FAT3: variants seen among roughly 807,000 people sequenced by gnomAD.
The protein encoded by FAT3 is FAT atypical cadherin 3, also known as protocadherin Fat 3.
Under a neutral mutation model 310.2 loss-of-function variants are expected in FAT3, and 95 were observed. The observed-to-expected ratio is 0.31, with a 90% CI of 0.26 to 0.36. FAT3 has a LOEUF of 0.36. Ranked by LOEUF, FAT3 falls within the 10% of genes least tolerant of loss-of-function variation. The pLI, the probability that FAT3 is intolerant of heterozygous loss-of-function variation, is 1.00. For synonymous variants in FAT3, 2,314 were observed against 2,192.9 expected (o/e 1.06, Z -1.54); for missense variants, 5,408 against 5,715.6 (o/e 0.95, Z 1.74).
intron 3 of FAT3, among the ~76,000 whole-genome samples, chr11:92,555,499 C>G (rs1032201129): frequency 1.3e-5 from 2 of 152,186 alleles, no homozygotes; most frequent in Non-Finnish European, 2.9e-5. Context: ...TGGGCCAAAT[C>G]TAGTTTTTCT....
intron 3 of FAT3, among the ~76,000 whole-genome samples, chr11:92,568,983 G>A (rs898332989): frequency 2.6e-5 from 4 of 152,062 alleles, no homozygotes; most frequent in Non-Finnish European, 4.4e-5. Context: ...TCATGAAAAC[G>A]AAGGCAATTT....
intron 13 of FAT3, among the ~76,000 whole-genome samples, chr11:92,824,906 G>A (rs963813530): frequency 2.6e-5 from 4 of 151,780 alleles, no homozygotes; most frequent in Non-Finnish European, 5.9e-5. Flanking sequence ...ATTGTACATA[G>A]TATTCTATAT....
intron 3 of FAT3, among the ~76,000 whole-genome samples, chr11:92,696,434 G>A (rs1162287568): frequency 6.6e-6 from 1 of 152,106 alleles, no homozygotes; most frequent in Non-Finnish European, 1.5e-5. Context: ...GAAGCTTGAG[G>A]TCAAGGGCTC....
intron 1 of FAT3, among the ~76,000 whole-genome samples, chr11:92,249,905 T>G (rs964943525): frequency 6.6e-6 from 1 of 152,084 alleles, no homozygotes; most frequent in Non-Finnish European, 1.5e-5. Context: ...ATTGCAGATA[T>G]TATTACCTGA....
intron 1 of FAT3, chr11:92,335,980 G>T (rs1452687605): frequency 4.6e-6 from 2 of 433,562 alleles, no homozygotes; most frequent in Admixed American, 2.7e-5. Context: ...GGTCAGAATG[G>T]CAGGCAAGGG....
At chr11:92,318,488 T>C (rs1455913899) in intron 1 of FAT3, among the ~76,000 whole-genome samples, 1 of 152,186 alleles carries the variant, frequency 6.6e-6, no homozygotes, top group Non-Finnish European at 1.5e-5. Flanking sequence ...GTAAAGTATG[T>C]ATGGTTCTAG....
At chr11:92,829,735 A>T (rs1948192810) in intron 13 of FAT3, among the ~76,000 whole-genome samples, 1 of 152,224 alleles carries the variant, frequency 6.6e-6, no homozygotes, top group Admixed American at 6.5e-5. Flanking sequence ...TCACAGGTTG[A>T]TGTGTATACA....
At chr11:92,572,518 AC>A (rs1371608541) in intron 3 of FAT3, among the ~76,000 whole-genome samples, 3 of 152,208 alleles carry the variant, frequency 2.0e-5, no homozygotes, top group African/African-American at 4.8e-5. Context: ...CCCATGCTTA[AC>A]AAAAACTGTC....
Position 92,368,516 on chromosome 11 carries a change from C to A in FAT3, c.3292+13112C>A, listed in dbSNP as rs927977450. On this transcript the variant is annotated intron_variant, in intron 2 of 27. Transcript: ENST00000525166. ...TTACAGTGCATTTTTAACTTGTATG[C>A]TGCATCATCCAGGAGAGAACTTTCA... Among the ~76,000 whole-genome samples, 7 of 152,104 alleles carry A rather than the reference C, an allele frequency of 4.6e-5. 1 individual carries two copies. Among genetic ancestry groups the A allele is most frequent in the Admixed American group, 2.6e-4 (4 of 15,252 alleles).
chr11:92,297,825 A>C (rs186910212), intron 1 of FAT3, among the ~76,000 whole-genome samples: 36 of 152,264 alleles, frequency 2.4e-4, no homozygotes, highest in Admixed American at 2.2e-3. Flanking sequence ...AGAATGGATA[A>C]GTTTGCCTGT....
chr11:92,832,732 C>T (rs1308907239), intron 14 of FAT3, among the ~76,000 whole-genome samples: 1 of 152,126 alleles, frequency 6.6e-6, no homozygotes, highest in East Asian at 1.9e-4. Flanking sequence ...GTCATATGTG[C>T]ACATGTTGGA....
At position 92,867,185 on chromosome 11, in the gene FAT3, AGCTGCAC is replaced by A; in HGVS notation, c.12104_12110del (p.Ser4035MetfsTer42). 6.3e-7 allele frequency: 1 copy of A among 1,585,580 alleles called. No homozygotes were observed. Among genetic ancestry groups the A allele is most frequent in the Non-Finnish European group, 8.6e-7 (1 of 1,169,316 alleles). On this transcript the variant is annotated frameshift_variant, in exon 22 of 28. Transcript: ENST00000525166. LOFTEE classifies it high-confidence loss of function. ...GCGCAGCCCGTGCCAGCACGGGGGCAGCTGCACTGGCCTGCCATCGGGGGGTGAGTGT... is the reference window on the plus strand; with the variant it reads ...GCGCAGCCCGTGCCAGCACGGGGGCATGGCCTGCCATCGGGGGGTGAGTGT...
chr11:92,334,993 C>T (rs557804630), intron 1 of FAT3, among the ~76,000 whole-genome samples: 10 of 152,160 alleles, frequency 6.6e-5, no homozygotes, highest in Non-Finnish European at 1.5e-4. Context: ...ATGAGCTCTG[C>T]ATATATTACA....
intron 2 of FAT3, among the ~76,000 whole-genome samples, chr11:92,372,969 T>A (rs11019936): frequency 6.6e-6 from 1 of 152,070 alleles, no homozygotes; most frequent in Non-Finnish European, 1.5e-5. Context: ...CAGCAAACGA[T>A]TTTTTAAAAA....
At chr11:92,232,628 G>A (rs796537832) in intron 1 of FAT3, among the ~76,000 whole-genome samples, 1 of 74,748 alleles carries the variant, frequency 1.3e-5, no homozygotes, top group South Asian at 5.7e-4. Context: ...CAGTGATGTC[G>A]TTTTTTTTTT....
intron 3 of FAT3, among the ~76,000 whole-genome samples, chr11:92,686,201 T>A (rs2135873898): frequency 6.6e-6 from 1 of 152,296 alleles, no homozygotes; most frequent in African/African-American, 2.4e-5. Context: ...GAGGAGCACG[T>A]TGTAGCAGCT....
intron 22 of FAT3, among the ~76,000 whole-genome samples, chr11:92,878,070 A>T (rs963203069): frequency 2.6e-5 from 4 of 152,200 alleles, no homozygotes; most frequent in Non-Finnish European, 5.9e-5. Flanking sequence ...ACATACATGT[A>T]TGTGGAGAGA....
chr11:92,793,797 C>T (rs879460132), intron 9 of FAT3, among the ~76,000 whole-genome samples: 1 of 152,098 alleles, frequency 6.6e-6, no homozygotes, highest in African/African-American at 2.4e-5. Context: ...ATGCAATATC[C>T]TTTCATGCCA....
chr11:92,405,156 A>G (rs1950109495), intron 2 of FAT3, among the ~76,000 whole-genome samples: 1 of 151,996 alleles, frequency 6.6e-6, no homozygotes, highest in African/African-American at 2.4e-5. Context: ...GTTCTTCCTC[A>G]TGACCATTTT....
Sources: gnomAD v4.1 joint callset for allele counts (sites outside exome capture counted in the v4.1 genomes callset) on GRCh38, gnomAD v4.1.1 for gene constraint, MANE v1.5 for transcripts, NCBI Gene and HGNC (gene_info 2026-07-23, HGNC 2026-07-21) for gene names.